CDH23: variants seen among roughly 807,000 people sequenced by gnomAD.
CDH23 encodes the protein cadherin related 23, also known as cadherin-23.
In CDH23, 189 loss-of-function variants were observed where a neutral mutation model predicts 317.1. The observed-to-expected ratio is 0.60, with a 90% confidence interval of 0.53 to 0.67. The LOEUF is 0.67. Among genes scored for constraint, CDH23 ranks in the 30% least tolerant of loss-of-function variants. The pLI is 0.00. For missense variants in CDH23, 4,401 were observed against 4,592.4 expected (o/e 0.96, Z 1.20); for synonymous variants, 1,839 against 1,876.8 (o/e 0.98, Z 0.52).
intron 6 of CDH23, among the ~76,000 whole-genome samples, chr10:71,559,732 G>A (rs1857033878): frequency 6.6e-6 from 1 of 152,216 alleles, no homozygotes; most frequent in African/African-American, 2.4e-5. Context: ...TTAGGGCCCA[G>A]GCCACAGAGC....
In CDH23 at chr10:71,450,414, C is replaced by T. The variant is rs145338538; in HGVS notation, c.145+4019C>T. 3.7e-3 allele frequency among the ~76,000 whole-genome samples: 562 copies of T among 152,146 alleles called. 3 individuals are homozygous for T. The highest frequency in any genetic ancestry group is 0.013 in the African/African-American group (543 of 41,524). ...CTGGGTAGCTGGGATTACAGGCACA[C>T]GCCACCACTCCCAGCTAATTTTTTT... On this transcript the variant is annotated intron_variant, in intron 3 of 69. Transcript: ENST00000224721.
chr10:71,585,055 G>A (rs555264681), intron 9 of CDH23, among the ~76,000 whole-genome samples: 2 of 152,316 alleles, frequency 1.3e-5, no homozygotes, highest in African/African-American at 4.8e-5. Flanking sequence ...GTGGATTGGA[G>A]CAGGAAGCAC....
chr10:71,403,399 CTTT>C (rs1847913827), intron 1 of CDH23, among the ~76,000 whole-genome samples: 3 of 88,610 alleles, frequency 3.4e-5, no homozygotes, highest in Admixed American at 1.2e-4. Flanking sequence ...TTCTTTCTTT[CTTT>C]CTTTCTCTTC....
intron 32 of CDH23, among the ~76,000 whole-genome samples, chr10:71,733,703 TAG>T (rs1401325716): frequency 3.3e-5 from 5 of 152,238 alleles, no homozygotes; most frequent in African/African-American, 1.2e-4. Flanking sequence ...TTCATTGCAA[TAG>T]TTATTCTTAG....
chr10:71,566,897 C>T lies in CDH23; in HGVS notation c.585C>T (p.Tyr195=), dbSNP rs1161151314. 12 of 1,613,716 alleles carry T rather than the reference C, an allele frequency of 7.4e-6. No individual in the cohort carries two copies. The highest frequency in any genetic ancestry group is 1.7e-5 in the Admixed American group (1 of 60,026). ...TCACAGTGATCCGGGAGCTGGACTA[C>T]GAGACCACACAGGCCTACCAGCTCA... The part of the protein sequence containing the change: ...GIVTVIRELD[Y]ETTQAYQLTV... Residue 195 remains tyrosine, a synonymous_variant, in exon 7 of 70, where the codon TAC becomes TAT. Transcript: ENST00000224721.
At chr10:71,621,742 G>A (rs188401943) in intron 11 of CDH23, among the ~76,000 whole-genome samples, 4 of 152,254 alleles carry the variant, frequency 2.6e-5, no homozygotes, top group East Asian at 1.9e-4. Context: ...ATTCACTGCC[G>A]CCACCAGATC....
intron 48 of CDH23, chr10:71,794,651 G>A (rs937385635): frequency 5.9e-5 from 9 of 152,226 alleles, no homozygotes; most frequent in East Asian, 5.8e-4. Flanking sequence ...TTTTTCACAC[G>A]TGATTAGTGG....
chr10:71,556,898 T>C (rs1373135376), intron 6 of CDH23, among the ~76,000 whole-genome samples: 2 of 152,184 alleles, frequency 1.3e-5, no homozygotes, highest in Non-Finnish European at 2.9e-5. Context: ...GATGAGAATT[T>C]CACTTTTACA....
At chr10:71,411,085 GTTC>G (rs921794795) in intron 1 of CDH23, among the ~76,000 whole-genome samples, 4 of 152,018 alleles carry the variant, frequency 2.6e-5, no homozygotes, top group Admixed American at 1.3e-4. Flanking sequence ...CTTCAGTTTT[GTTC>G]TTCTTCAAGA....
intron 3 of CDH23, among the ~76,000 whole-genome samples, chr10:71,480,635 C>T (rs182232943): frequency 6.6e-6 from 1 of 152,290 alleles, no homozygotes; most frequent in East Asian, 1.9e-4. Flanking sequence ...ACCTGCTGCA[C>T]ACATCAGGGA....
intron 9 of CDH23, among the ~76,000 whole-genome samples, chr10:71,609,396 T>C (rs1729740640): frequency 6.6e-6 from 1 of 151,806 alleles, no homozygotes; most frequent in African/African-American, 2.4e-5. Flanking sequence ...TTGCCTTGTT[T>C]TTTACACCAA....
intron 69 of CDH23, among the ~76,000 whole-genome samples, chr10:71,814,529 C>T (rs1344176347): frequency 1.3e-5 from 2 of 152,178 alleles, no homozygotes; most frequent in East Asian, 1.9e-4. Context: ...GCCAACATGG[C>T]GTGCCTGTAA....
chr10:71,583,153 A>T (rs1445506927), intron 9 of CDH23, among the ~76,000 whole-genome samples: 1 of 151,622 alleles, frequency 6.6e-6, no homozygotes, highest in Non-Finnish European at 1.5e-5. Flanking sequence ...GGCAGAAAGA[A>T]CAGTGTGTAC....
chr10:71,632,925 AG>A (rs1232465113), intron 11 of CDH23, among the ~76,000 whole-genome samples: 1 of 152,178 alleles, frequency 6.6e-6, no homozygotes, highest in Non-Finnish European at 1.5e-5. Context: ...GAGGCTGAGA[AG>A]TCCAAGGTCA....
intron 48 of CDH23, among the ~76,000 whole-genome samples, chr10:71,795,347 G>C (rs983271045): frequency 6.6e-6 from 1 of 152,114 alleles, no homozygotes; most frequent in African/African-American, 2.4e-5. Context: ...TGAGCACTAG[G>C]AGAAGTTAGA....
Position 71,636,708 on chromosome 10 carries a change from T to C in CDH23, c.1135-7153T>C, listed in dbSNP as rs531652155. Among the ~76,000 whole-genome samples, 84 of 152,244 alleles carry C rather than the reference T, an allele frequency of 5.5e-4. 1 individual carries two copies. The highest frequency in any genetic ancestry group is 2.0e-3 in the African/African-American group (82 of 41,540). ...CTCAAGGGCCAAGCCACAGAGGAGC[T>C]TGGGGAGGGGACATAGGTAGGAGGA... is the stretch of plus-strand genomic sequence containing the variant. On this transcript the variant is annotated intron_variant, in intron 11 of 69. Transcript: ENST00000224721.
chr10:71,644,832 C>T (rs1862749975), intron 12 of CDH23, among the ~76,000 whole-genome samples: 1 of 152,226 alleles, frequency 6.6e-6, no homozygotes, highest in Non-Finnish European at 1.5e-5. Flanking sequence ...TGGGCACCTG[C>T]AAGAGAGGTC....
Position 71,615,536 on chromosome 10 carries a change from A to G in CDH23, c.865A>G (p.Ile289Val), listed in dbSNP as rs765965046. ...NTNSIFALDYISGVLTLNGLL... is the reference protein window; with the variant it reads ...NTNSIFALDYVSGVLTLNGLL... The stretch of plus-strand genomic sequence containing the variant: ...CAACAGCATCTTTGCCCTGGACTAC[A>G]TCAGCGGAGTGCTGACCTTGAATGG... Residue 289 changes from isoleucine to valine, a missense_variant, in exon 10 of 70, where the codon ATC (isoleucine) becomes GTC (valine). Ile to Val is a conservative substitution (Grantham distance 29, BLOSUM62 3). Coordinates refer to ENST00000224721, the MANE Select transcript of CDH23 (RefSeq NM_022124.6). 6.2e-7 allele frequency: 1 copy of G among 1,613,206 alleles called. No individual in the cohort carries two copies.
chr10:71,742,396 G>A (rs1839762315), intron 38 of CDH23, among the ~76,000 whole-genome samples: 2 of 152,236 alleles, frequency 1.3e-5, no homozygotes, highest in African/African-American at 2.4e-5. Flanking sequence ...ACGTCAGGGT[G>A]GGAAGGGATT....
Sources: gnomAD v4.1 joint callset for allele counts (sites outside exome capture counted in the v4.1 genomes callset) on GRCh38, gnomAD v4.1.1 for gene constraint, MANE v1.5 for transcripts, NCBI Gene and HGNC (gene_info 2026-07-23, HGNC 2026-07-21) for gene names.